The following DRC4 variants were observed in gnomAD, a reference collection of about 807,000 sequenced individuals.
DRC4 encodes dynein regulatory complex subunit 4.
chr16:90,037,960 C>G, the DRC4 span: 2 of 931,942 alleles, frequency 2.1e-6, no homozygotes, highest in South Asian at 1.3e-5. Flanking sequence ...GGATGGCACC[C>G]CTGCTAGCCA....
At chr16:90,026,809 A>C in the DRC4 span, among the ~76,000 whole-genome samples, 4 of 150,772 alleles carry the variant, frequency 2.7e-5, no homozygotes, top group African/African-American at 9.8e-5. Flanking sequence ...TGGCCTCCCA[A>C]AGTGCTGGGA....
At chr16:90,032,121 G>A in the DRC4 span, among the ~76,000 whole-genome samples, 1 of 151,694 alleles carries the variant, frequency 6.6e-6, no homozygotes, top group African/African-American at 2.4e-5. Context: ...GTGTGTACAG[G>A]TATGGACAGG....
chr16:90,023,740 T>A, the DRC4 span, among the ~76,000 whole-genome samples: 2 of 150,992 alleles, frequency 1.3e-5, no homozygotes, highest in African/African-American at 2.4e-5. Context: ...ACGCCTGTAA[T>A]CCCATCACTT....
the DRC4 span, chr16:90,040,479 A>T: frequency 6.2e-7 from 1 of 1,607,264 alleles, no homozygotes; most frequent in Non-Finnish European, 8.5e-7. Flanking sequence ...TGGACCCTGC[A>T]GCCCTGACGC....
the DRC4 span, among the ~76,000 whole-genome samples, chr16:90,025,422 T>G: frequency 0.012 from 1,778 of 150,592 alleles, 42 homozygotes; most frequent in African/African-American, 0.041. Flanking sequence ...GAGGCTTAGG[T>G]GGGCAGATCA....
chr16:90,023,398 C>A, the DRC4 span, among the ~76,000 whole-genome samples: 1 of 152,118 alleles, frequency 6.6e-6, no homozygotes, highest in Admixed American at 6.5e-5. Context: ...AAGGGCTCTC[C>A]CTTTGTGGTA....
chr16:90,026,306 T>TA, the DRC4 span, among the ~76,000 whole-genome samples: 1 of 152,088 alleles, frequency 6.6e-6, no homozygotes, highest in Non-Finnish European at 1.5e-5. Context: ...GGGGTGGGGT[T>TA]AGAAGGTTCT....
chr16:90,044,891 T>A, the DRC4 span: 1 of 221,532 alleles, frequency 4.5e-6, no homozygotes, highest in Non-Finnish European at 9.2e-6. Flanking sequence ...ATAGCTGGCA[T>A]ATATTTTTCC....
At chr16:90,037,539 G>C in the DRC4 span, 2 of 1,098,924 alleles carry the variant, frequency 1.8e-6, no homozygotes, top group African/African-American at 3.2e-5. Flanking sequence ...TCTCTGCCTC[G>C]TGTTCTCCTG....
chr16:90,030,640 A>G, the DRC4 span, among the ~76,000 whole-genome samples: 333 of 151,750 alleles, frequency 2.2e-3, 3 homozygotes, highest in African/African-American at 7.8e-3. Flanking sequence ...TTTTTGAGAC[A>G]GATTCTCACT....
the DRC4 span, chr16:90,020,110 C>G: frequency 1.7e-6 from 1 of 605,146 alleles, no homozygotes; most frequent in Admixed American, 2.8e-5. Flanking sequence ...CCCTCCACTG[C>G]TGGGTCATTT....
At chr16:90,019,694 C>T in the DRC4 span, 4 of 566,734 alleles carry the variant, frequency 7.1e-6, no homozygotes, top group African/African-American at 2.0e-5. This position sits in a 1 kb window ranked among gnomAD's most constrained non-coding sequence, Gnocchi z 6.1. Context: ...CCCTCCCGAC[C>T]CCGGCCGGGC....
chr16:90,019,877 G>A, the DRC4 span: 1 of 683,642 alleles, frequency 1.5e-6, no homozygotes, highest in South Asian at 1.5e-5. This position sits in a 1 kb window ranked among gnomAD's most constrained non-coding sequence, Gnocchi z 6.1. Flanking sequence ...AGAGCGCCCT[G>A]GATGGCGCGA....
At chr16:90,031,536 C>T in the DRC4 span, 3 of 1,523,430 alleles carry the variant, frequency 2.0e-6, no homozygotes, top group South Asian at 1.2e-5. Flanking sequence ...CTGGTCACCA[C>T]AGAGCCCCAG....
chr16:90,037,670 T>A, the DRC4 span: 12 of 1,273,768 alleles, frequency 9.4e-6, no homozygotes, highest in Admixed American at 1.2e-4. Flanking sequence ...TGGCGATTAT[T>A]TTTGGCCTTG....
the DRC4 span, chr16:90,028,770 A>C: frequency 2.0e-6 from 1 of 503,662 alleles, no homozygotes; most frequent in South Asian, 2.0e-5. Context: ...CTGACATGGG[A>C]CATGAGGGCT....
the DRC4 span, among the ~76,000 whole-genome samples, chr16:90,028,525 G>A: frequency 8.5e-5 from 13 of 152,188 alleles, no homozygotes; most frequent in Non-Finnish European, 1.3e-4. Context: ...CCAACAAGGA[G>A]TAACAGCATC....
chr16:90,042,766 G>C, the DRC4 span: 8 of 562,354 alleles, frequency 1.4e-5, no homozygotes, highest in Non-Finnish European at 2.2e-5. Flanking sequence ...TGGGTGTAGG[G>C]GGGGACCTGG....
At chr16:90,029,645 C>T in the DRC4 span, 1 of 160,618 alleles carries the variant, frequency 6.2e-6, no homozygotes, top group Non-Finnish European at 1.2e-5. Flanking sequence ...CCTGCTGCTC[C>T]TTCTTGTTTG....
Sources: gnomAD v4.1 joint callset for allele counts (sites outside exome capture counted in the v4.1 genomes callset) on GRCh38, gnomAD v4.1.1 for gene constraint, Gnocchi (gnomAD v3.1) non-coding constraint, MANE v1.5 for transcripts, NCBI Gene and HGNC (gene_info 2026-07-23, HGNC 2026-07-21) for gene names.